SS18L1: variants seen among roughly 807,000 people sequenced by gnomAD.
SS18L1 encodes calcium-responsive transactivator.
Under a neutral mutation model 70.3 loss-of-function variants are expected in SS18L1, and 32 were observed. The ratio of observed to expected loss-of-function variants is 0.46; its 90% CI spans 0.34 to 0.61. The LOEUF is 0.61. Ranked by LOEUF, SS18L1 falls within the 20% of genes least tolerant of loss-of-function variation. SS18L1 has a pLI of 0.01. For synonymous variants in SS18L1, 237 were observed against 229.7 expected, an observed-to-expected ratio of 1.03 and a Z score of -0.29; for missense variants, 430 against 542.1, an observed-to-expected ratio of 0.79 and a Z score of 2.05.
Position 62,181,916 on chromosome 20 carries a change from C to G in SS18L1, c.*2708C>G, listed in dbSNP as rs563962945. 4.4e-5 allele frequency: 10 copies of G among 228,488 alleles called. No homozygotes were observed. Among genetic ancestry groups the G allele is most frequent in the Admixed American group, 3.4e-4 (6 of 17,618 alleles). The allele number at this position is 228,488 out of a possible 1,614,324, so 14.2% of individuals were successfully genotyped here. On this transcript the variant is annotated 3_prime_UTR_variant, in exon 11 of 11. Transcript: ENST00000331758. Reference sequence around the variant, plus strand: ...TGAAAATTGACGCTCATTCTTCTTCCTATTGTTCCCTGACATCCAGCAAAT... The same window carrying G: ...TGAAAATTGACGCTCATTCTTCTTCGTATTGTTCCCTGACATCCAGCAAAT...
intron 1 of SS18L1, chr20:62,154,491 T>C: frequency 9.8e-7 from 1 of 1,021,954 alleles, no homozygotes; most frequent in Non-Finnish European, 1.2e-6. Context: ...CTCCAGAGCC[T>C]CCCTCAGGCC....
intron 1 of SS18L1, among the ~76,000 whole-genome samples, chr20:62,156,195 G>A (rs1227168853): frequency 3.3e-5 from 5 of 152,186 alleles, no homozygotes; most frequent in Admixed American, 1.3e-4. Context: ...TGAAATGCCC[G>A]CCGTGTCTAG....
rs779807585 is a variant in SS18L1 at position 62,163,531 on chromosome 20, C to G, written c.630C>G (p.Gly210=). The G allele has an allele frequency of 1.9e-6, 3 of 1,611,772 alleles. No homozygotes were observed. The highest frequency in any genetic ancestry group is 2.5e-6 in the Non-Finnish European group (3 of 1,179,814). Residue 210 remains glycine (G), a synonymous_variant, in exon 6 of 11, where the codon GGC becomes GGG. Transcript: ENST00000331758. ...SAQGGSQHYQ[G]QSSIAMMGQG... ...AGGGCGGCAGCCAGCACTACCAGGG[C>G]CAGTCGTCCATCGCCATGATGGGGC...
At chr20:62,167,187 A>G (rs2057451571) in intron 8 of SS18L1, among the ~76,000 whole-genome samples, 1 of 150,244 alleles carries the variant, frequency 6.7e-6, no homozygotes, top group Non-Finnish European at 1.5e-5. Flanking sequence ...CTCGGATTAC[A>G]GGCCCCGCCA....
intron 1 of SS18L1, among the ~76,000 whole-genome samples, chr20:62,154,624 T>C (rs1032960780): frequency 2.6e-5 from 4 of 152,182 alleles, no homozygotes; most frequent in Non-Finnish European, 5.9e-5. Flanking sequence ...TGCGGGCCCA[T>C]GTAGGAGGCT....
At chr20:62,165,072 G>A (rs143720651) in intron 7 of SS18L1, among the ~76,000 whole-genome samples, 92 of 152,294 alleles carry the variant, frequency 6.0e-4, no homozygotes, top group Middle Eastern at 3.4e-3. Context: ...CGAAGGCCTC[G>A]GTAAGGGTTG....
Position 62,172,758 on chromosome 20 carries a change from G to A in SS18L1, c.993G>A (p.Gln331=). The change falls in exon 9 of 11, where the codon CAG becomes CAA. Residue 331 remains glutamine, a synonymous_variant. Coordinates refer to ENST00000331758, the MANE Select transcript of SS18L1 (RefSeq NM_198935.3). ...AAQQQTYSQQ[Q]YPSQQSYPGQ... is the part of the protein sequence containing the mutation. ...AGCAGCAGACGTACTCCCAGCAGCA[G>A]TACCCCAGCCAGCAGAGCTACCCCG... 2 of 1,614,060 alleles carry A rather than the reference G, an allele frequency of 1.2e-6. No homozygotes were observed. Among genetic ancestry groups the A allele is most frequent in the East Asian group, 4.5e-5 (2 of 44,874 alleles).
At chr20:62,154,886 C>T (rs2057195169) in intron 1 of SS18L1, among the ~76,000 whole-genome samples, 1 of 152,180 alleles carries the variant, frequency 6.6e-6, no homozygotes, top group Non-Finnish European at 1.5e-5. Context: ...TTTCTGTTTT[C>T]ACCTCGGTCG....
intron 5 of SS18L1, 111 bp downstream of exon 5, chr20:62,163,042 G>A (rs2057360201): frequency 1.4e-6 from 2 of 1,403,216 alleles, no homozygotes; most frequent in Non-Finnish European, 1.9e-6. Flanking sequence ...GCTGGGTGCT[G>A]GAGGGGAGGG....
intron 3 of SS18L1, among the ~76,000 whole-genome samples, chr20:62,160,332 T>G (rs966056721): frequency 2.6e-4 from 7 of 27,156 alleles, no homozygotes; most frequent in Admixed American, 8.7e-4. Context: ...TGGAGAGAGG[T>G]GGGGTGGGGA....
At chr20:62,165,782 C>T (rs1454686294) in intron 8 of SS18L1, among the ~76,000 whole-genome samples, 5 of 150,878 alleles carry the variant, frequency 3.3e-5, no homozygotes, top group Non-Finnish European at 4.4e-5. Flanking sequence ...TTATTGGGTC[C>T]AGCCAGGGAG....
In SS18L1 at chr20:62,161,796, C is replaced by T. The variant is rs1215755119; in HGVS notation, c.376+216C>T. Among the ~76,000 whole-genome samples the T allele has an allele frequency of 2.6e-5, 4 of 152,264 alleles. No homozygotes were observed. Among genetic ancestry groups the T allele is most frequent in the Non-Finnish European group, 4.4e-5 (3 of 68,046 alleles). Reference sequence around the variant, plus strand: ...GCTGAGCCCCTGCTCCAGTTGTCCACTCTCTCTGACACTGTCACGTTCCAT... The same window carrying T: ...GCTGAGCCCCTGCTCCAGTTGTCCATTCTCTCTGACACTGTCACGTTCCAT... On this transcript the variant is annotated intron_variant, in intron 4 of 10. Transcript: ENST00000331758. This position sits in a 1 kb window ranked among gnomAD's most constrained non-coding sequence, Gnocchi z 4.4.
intron 8 of SS18L1, among the ~76,000 whole-genome samples, chr20:62,168,853 A>T (rs6062103): frequency 5.3e-5 from 8 of 152,094 alleles, no homozygotes; most frequent in African/African-American, 1.7e-4. Flanking sequence ...GTCATCCCAC[A>T]GCAGGATGAG....
At chr20:62,175,175 A>G in intron 10 of SS18L1, 1 of 905,946 alleles carries the variant, frequency 1.1e-6, no homozygotes, top group Non-Finnish European at 1.3e-6. Flanking sequence ...GGCTCAGCCT[A>G]GGGAGGGGGA....
At chr20:62,144,226 T>C (rs2056978957) in intron 1 of SS18L1, among the ~76,000 whole-genome samples, 1 of 151,160 alleles carries the variant, frequency 6.6e-6, no homozygotes, top group Non-Finnish European at 1.5e-5. Flanking sequence ...CGGCGCGCGC[T>C]GGGAACTGTC....
chr20:62,177,439 A>C (rs905527090), intron 10 of SS18L1, among the ~76,000 whole-genome samples: 1 of 152,184 alleles, frequency 6.6e-6, no homozygotes, highest in Admixed American at 6.5e-5. Context: ...ACTAACTAGA[A>C]TCATCACAGG....
At chr20:62,163,378 G>T in intron 5 of SS18L1, 80 bp from the exon 6 acceptor site, 1 of 1,590,762 alleles carries the variant, frequency 6.3e-7, no homozygotes, top group Non-Finnish European at 8.5e-7. Flanking sequence ...GAACCCGCCC[G>T]GGCGCAGGAG....
chr20:62,161,578 ACGGTGAGTG>A lies in SS18L1; in HGVS notation c.376+2_376+10del, dbSNP rs2057330798. 1 of 1,607,242 alleles carries A rather than the reference ACGGTGAGTG, an allele frequency of 6.2e-7. No individual in the cohort carries two copies. Among genetic ancestry groups the A allele is most frequent in the Non-Finnish European group, 8.5e-7 (1 of 1,175,530 alleles). On this transcript the variant is annotated splice_donor_variant and splice_donor_5th_base_variant and coding_sequence_variant and intron_variant, in exon 4 of 11. Transcript: ENST00000331758. LOFTEE classifies it high-confidence loss of function. This position sits in a 1 kb window ranked among gnomAD's most constrained non-coding sequence, Gnocchi z 4.4. The stretch of plus-strand genomic sequence containing the variant: ...TCCCTCCTGCAGGGCCAGATTGGCA[ACGGTGAGTG>A]CGGCGGGGGAGGAGGACGTTCCTGG...
Position 62,181,911 on chromosome 20 carries a change from TCTTC to T in SS18L1, c.*2706_*2709del. The T allele has an allele frequency of 4.4e-6, 1 of 228,760 alleles. No individual in the cohort carries two copies. The highest frequency in any genetic ancestry group is 8.7e-6 in the Non-Finnish European group (1 of 115,334). The allele number at this position is 228,760 out of a possible 1,614,324, so 14.2% of individuals were successfully genotyped here. Reference sequence around the variant, plus strand: ...AGACATGAAAATTGACGCTCATTCTTCTTCCTATTGTTCCCTGACATCCAGCAAA... The same window carrying T: ...AGACATGAAAATTGACGCTCATTCTTCTATTGTTCCCTGACATCCAGCAAA... On this transcript the variant is annotated 3_prime_UTR_variant, in exon 11 of 11. Transcript: ENST00000331758.
Sources: gnomAD v4.1 joint callset for allele counts (sites outside exome capture counted in the v4.1 genomes callset) on GRCh38, gnomAD v4.1.1 for gene constraint, Gnocchi (gnomAD v3.1) non-coding constraint, MANE v1.5 for transcripts, NCBI Gene and HGNC (gene_info 2026-07-23, HGNC 2026-07-21) for gene names.